SLC25A13: variants seen among roughly 807,000 people sequenced by gnomAD.
SLC25A13 encodes solute carrier family 25 member 13.
A neutral mutation model predicts 85.5 loss-of-function variants in SLC25A13; 70 were observed. The observed-to-expected ratio is 0.82, with a 90% CI of 0.68 to 1.00. The LOEUF is 1.00. Among genes scored for constraint, SLC25A13 ranks in the 50% least tolerant of loss-of-function variants. The probability of loss-of-function intolerance (pLI) is 0.00; values close to 1 mark genes in which losing one functional copy is unlikely to be tolerated. For synonymous variants in SLC25A13, 259 were observed against 288.7 expected, an observed-to-expected ratio of 0.90 and a Z score of 1.04; for missense variants, 765 against 819.8, an observed-to-expected ratio of 0.93 and a Z score of 0.82.
At chr7:96,210,283 A>G (rs1346024210) in intron 4 of SLC25A13, among the ~76,000 whole-genome samples, 3 of 152,244 alleles carry the variant, frequency 2.0e-5, no homozygotes, top group Admixed American at 6.5e-5. Context: ...AAAGTTTTAA[A>G]GTACAAGTAC....
chr7:96,280,492 G>GAT lies in SLC25A13; in HGVS notation c.70-3156_70-3155dup, dbSNP rs1465184563. On this transcript the variant is annotated intron_variant, in intron 2 of 17. Transcript: ENST00000265631. ...GCACTTTGGGAAGCCAAGGTGGGCA[G>GAT]ATCGCTTGAGCCCAGGAGTTCAAGA... is the stretch of plus-strand genomic sequence containing the variant. 3.9e-5 allele frequency among the ~76,000 whole-genome samples: 6 copies of GAT among 152,266 alleles called. No individual in the cohort carries two copies. In the South Asian group the frequency reaches 1.2e-3, roughly 32 times the overall value.
chr7:96,243,464 T>C (rs1014921338), intron 3 of SLC25A13, among the ~76,000 whole-genome samples: 5 of 152,078 alleles, frequency 3.3e-5, no homozygotes, highest in African/African-American at 9.7e-5. Context: ...TAGGGTAAAA[T>C]AGAGCAACGC....
At chr7:96,240,831 A>G (rs1796943515) in intron 3 of SLC25A13, among the ~76,000 whole-genome samples, 1 of 151,462 alleles carries the variant, frequency 6.6e-6, no homozygotes, top group Non-Finnish European at 1.5e-5. Flanking sequence ...GTAGACCAAG[A>G]TCTGATAATT....
chr7:96,195,524 C>T (rs1208085505), intron 5 of SLC25A13, among the ~76,000 whole-genome samples: 1 of 152,168 alleles, frequency 6.6e-6, no homozygotes, highest in Admixed American at 6.5e-5. Context: ...GTCTACCATG[C>T]ACACATAAAA....
chr7:96,192,668 G>A (rs1794899666), intron 6 of SLC25A13, among the ~76,000 whole-genome samples: 1 of 129,336 alleles, frequency 7.7e-6, no homozygotes, highest in South Asian at 2.7e-4. Flanking sequence ...TCTAACAAAT[G>A]ATATACATGT....
Position 96,189,632 on chromosome 7 carries a change from G to T in SLC25A13, c.797C>A (p.Pro266His). ...CTGAAACAAGATGTCAACTTCCATG[G>T]GTGTAACCTGACCAAATTTCTGAGC... The part of the protein sequence containing the change: ...LAAQKFGQVT[P>H]MEVDILFQLA... Residue 266 changes from proline (P) to histidine (H), a missense_variant, in exon 8 of 18, where the codon CCC (proline) becomes CAC (histidine). By Grantham distance (77) the Pro-to-His change is moderately conservative. Transcript: ENST00000265631. 6.2e-7 allele frequency: 1 copy of T among 1,613,158 alleles called. No individual in the cohort carries two copies. The highest frequency in any genetic ancestry group is 8.5e-7 in the Non-Finnish European group (1 of 1,179,926).
intron 13 of SLC25A13, among the ~76,000 whole-genome samples, chr7:96,159,796 A>G (rs1250911836): frequency 1.3e-5 from 2 of 152,232 alleles, no homozygotes; most frequent in African/African-American, 4.8e-5. Context: ...TCTTACTCTA[A>G]TTGGATTCTG....
At chr7:96,250,823 A>G (rs1432329657) in intron 3 of SLC25A13, among the ~76,000 whole-genome samples, 1 of 151,918 alleles carries the variant, frequency 6.6e-6, no homozygotes, top group Non-Finnish European at 1.5e-5. Flanking sequence ...GTAAAAATTC[A>G]AAGAAGGAAC....
At chr7:96,174,712 A>T (rs1018426202) in intron 11 of SLC25A13, among the ~76,000 whole-genome samples, 2 of 152,210 alleles carry the variant, frequency 1.3e-5, no homozygotes, top group Non-Finnish European at 2.9e-5. Context: ...TTTTTAAATG[A>T]CTAATAAAAA....
intron 13 of SLC25A13, among the ~76,000 whole-genome samples, chr7:96,154,980 T>C (rs1229473597): frequency 1.3e-5 from 2 of 151,988 alleles, no homozygotes; most frequent in African/African-American, 4.8e-5. Flanking sequence ...TTTGTAATTT[T>C]AGTAGAGATA....
rs1311703252 is a variant in SLC25A13 at position 96,240,789 on chromosome 7, T to G, written c.213-5872A>C. Among the ~76,000 whole-genome samples, 5 of 150,614 alleles carry G rather than the reference T, an allele frequency of 3.3e-5. No homozygotes were observed. In the East Asian group the frequency reaches 9.7e-4, roughly 29 times the overall value. On this transcript the variant is annotated intron_variant, in intron 3 of 17. Coordinates refer to ENST00000265631, the MANE Select transcript of SLC25A13 (RefSeq NM_014251.3). ...AAGAAAGAAAAAAACCCTACAAAGT[T>G]GCTCACATCCTGATTATGAGGTCCT...
intron 4 of SLC25A13, among the ~76,000 whole-genome samples, chr7:96,215,108 AAAG>A (rs1317462964): frequency 6.6e-6 from 1 of 152,156 alleles, no homozygotes; most frequent in Non-Finnish European, 1.5e-5. Flanking sequence ...CAATCTTGAA[AAAG>A]AAGAACAGAT....
At chr7:96,320,341 T>G (rs1800293893) in intron 1 of SLC25A13, among the ~76,000 whole-genome samples, 2 of 152,148 alleles carry the variant, frequency 1.3e-5, no homozygotes, top group African/African-American at 4.8e-5. Context: ...AGTCTTATAC[T>G]CCATTTCTAT....
intron 15 of SLC25A13, among the ~76,000 whole-genome samples, chr7:96,127,439 AC>A (rs1791775867): frequency 6.6e-6 from 1 of 152,210 alleles, no homozygotes. Context: ...AGATACATGA[AC>A]AAAACAAAAA....
At chr7:96,228,796 C>T (rs1005430627) in intron 4 of SLC25A13, among the ~76,000 whole-genome samples, 1 of 152,188 alleles carries the variant, frequency 6.6e-6, no homozygotes, top group Non-Finnish European at 1.5e-5. Flanking sequence ...GGGCCCTGCA[C>T]TCGGAGTGGA....
At chr7:96,150,926 T>TATG (rs1793015777) in intron 13 of SLC25A13, among the ~76,000 whole-genome samples, 1 of 152,056 alleles carries the variant, frequency 6.6e-6, no homozygotes, top group South Asian at 2.1e-4. Flanking sequence ...TCAGTAACTA[T>TATG]ATGCCTCATA....
chr7:96,208,081 CT>C (rs1473993915), intron 5 of SLC25A13, among the ~76,000 whole-genome samples: 2 of 152,212 alleles, frequency 1.3e-5, no homozygotes, highest in Non-Finnish European at 2.9e-5. Flanking sequence ...AGACTAGTGT[CT>C]TATCTATAAA....
At chr7:96,168,046 G>A (rs886102828) in intron 13 of SLC25A13, among the ~76,000 whole-genome samples, 1 of 125,464 alleles carries the variant, frequency 8.0e-6, no homozygotes, top group Non-Finnish European at 1.6e-5. Flanking sequence ...GCTGCAGTGA[G>A]CCAAGATCCC....
rs771117913 is a variant in SLC25A13 at position 96,189,376 on chromosome 7, C to T, written c.851G>A (p.Arg284His). 21 of 1,613,758 alleles carry T rather than the reference C, an allele frequency of 1.3e-5. No homozygotes were observed. Among genetic ancestry groups the T allele is most frequent in the African/African-American group, 9.3e-5 (7 of 74,896 alleles). Residue 284 changes from arginine (R) to histidine (H), a missense_variant and splice_region_variant, in exon 9 of 18, where the codon CGT becomes CAT. Coordinates refer to ENST00000265631, the MANE Select transcript of SLC25A13 (RefSeq NM_014251.3). ...CCGTTCAATGTCTGCTAAGGTCATA[C>T]GTCTGTAGGGGAAAAACAAACACAA... Reference protein sequence around the residue: ...QLADLYEPRGRMTLADIERIA... With the variant: ...QLADLYEPRGHMTLADIERIA...
Sources: gnomAD v4.1 joint callset for allele counts (sites outside exome capture counted in the v4.1 genomes callset) on GRCh38, gnomAD v4.1.1 for gene constraint, MANE v1.5 for transcripts, NCBI Gene and HGNC (gene_info 2026-07-23, HGNC 2026-07-21) for gene names.